HPD: variants seen among roughly 807,000 people sequenced by gnomAD.
The protein encoded by HPD is 4-hydroxyphenylpyruvate dioxygenase, also known as 4-hydroxyphenylpyruvic acid oxidase.
In HPD, 35 loss-of-function variants were observed where a neutral mutation model predicts 56.9. The ratio of observed to expected loss-of-function variants is 0.62; its 90% CI spans 0.47 to 0.82. The LOEUF is 0.82. Ranked by LOEUF, HPD falls within the 40% of genes least tolerant of loss-of-function variation. HPD has a pLI of 0.00. For missense variants in HPD, 442 were observed against 506.8 expected (o/e 0.87, Z 1.23); for synonymous variants, 186 against 200.2 (o/e 0.93, Z 0.60).
At chr12:121,855,972 C>CAAAAAA (rs57671436) in intron 6 of HPD, among the ~76,000 whole-genome samples, 6 of 65,110 alleles carry the variant, frequency 9.2e-5, no homozygotes, top group Admixed American at 2.0e-4. Context: ...CTCCGTCTCA[C>CAAAAAA]AAAAAAAAAA....
the HPD span, among the ~76,000 whole-genome samples, chr12:121,879,482 G>GTTCTGTTTCTTCTCTTCTCTTCTCTTCTC: frequency 6.8e-6 from 1 of 147,894 alleles, no homozygotes; most frequent in Non-Finnish European, 1.5e-5. Context: ...TTTCTCTTCT[G>GTTCTGTTTCTTCTCTTCTCTTCTCTTCTC]TTCTCTTCTC....
At chr12:121,855,925 G>A (rs1319566247) in intron 6 of HPD, among the ~76,000 whole-genome samples, 1 of 139,114 alleles carries the variant, frequency 7.2e-6, no homozygotes, top group African/African-American at 2.8e-5. Context: ...AGCCGAGATC[G>A]TGCCATTGCA....
At position 121,843,703 on chromosome 12, in the gene HPD, G is replaced by A. The variant is rs1178067047; in HGVS notation, c.954+7C>T. 3 of 1,613,960 alleles carry A rather than the reference G, an allele frequency of 1.9e-6. No individual in the cohort carries two copies. The highest frequency in any genetic ancestry group is 2.5e-6 in the Non-Finnish European group (3 of 1,179,954). On this transcript the variant is annotated splice_region_variant and intron_variant, in intron 12 of 13. Coordinates refer to ENST00000289004, the MANE Select transcript of HPD (RefSeq NM_002150.3). Reference sequence around the variant, plus strand: ...CCACAAGGCTGCGGATCCTGCCTGGGCCTCACCTCCAGGGCATCAATGTTC... The same window carrying A: ...CCACAAGGCTGCGGATCCTGCCTGGACCTCACCTCCAGGGCATCAATGTTC...
chr12:121,886,316 G>C, the HPD span, among the ~76,000 whole-genome samples: 12 of 150,980 alleles, frequency 7.9e-5, no homozygotes, highest in African/African-American at 2.9e-4. Flanking sequence ...CACCGTGTTA[G>C]CCAGGATGGT....
At chr12:121,875,473 C>T in the HPD span, among the ~76,000 whole-genome samples, 6 of 149,456 alleles carry the variant, frequency 4.0e-5, no homozygotes, top group African/African-American at 9.9e-5. Flanking sequence ...TCACCTAGAC[C>T]GAAGTGCAGT....
chr12:121,868,422 G>A (rs1878379858), upstream of HPD, among the ~76,000 whole-genome samples: 1 of 151,668 alleles, frequency 6.6e-6, no homozygotes, highest in African/African-American at 2.4e-5. Flanking sequence ...CGGCTCACTG[G>A]CCTCAAGTGA....
At chr12:121,853,621 CAA>C (rs35131803) in intron 7 of HPD, among the ~76,000 whole-genome samples, 9 of 53,386 alleles carry the variant, frequency 1.7e-4, no homozygotes, top group Non-Finnish European at 2.7e-4. Context: ...GACTCCATCT[CAA>C]AAAAAAAAAA....
chr12:121,853,467 C>CA (rs1456469189), intron 7 of HPD, among the ~76,000 whole-genome samples: 1 of 149,046 alleles, frequency 6.7e-6, no homozygotes, highest in Non-Finnish European at 1.5e-5. Context: ...ACTAAAAATA[C>CA]AAAATTTAGC....
rs375453752 is a variant in HPD, at chr12:121,847,001, C to T, written c.759+51G>A. The T allele has an allele frequency of 3.0e-4, 485 of 1,612,176 alleles. No homozygotes were observed. In the African/African-American group the frequency reaches 5.7e-3, roughly 19 times the overall value. On this transcript the variant is annotated intron_variant, in intron 10 of 13. Coordinates refer to ENST00000289004, the MANE Select transcript of HPD (RefSeq NM_002150.3). Reference sequence around the variant, plus strand: ...ACCCACATCCCTGACCCTACAAGAGCCCCCAGACCTCTTCCCTGCTCCCCT... The same window carrying T: ...ACCCACATCCCTGACCCTACAAGAGTCCCCAGACCTCTTCCCTGCTCCCCT...
chr12:121,846,777 T>A, intron 11 of HPD, 85 bp downstream of exon 11: 1 of 1,286,700 alleles, frequency 7.8e-7, no homozygotes. Context: ...GGCCCAGGAC[T>A]GCCGCCACCC....
At chr12:121,841,407 C>T (rs2137607898) in intron 12 of HPD, among the ~76,000 whole-genome samples, 1 of 152,212 alleles carries the variant, frequency 6.6e-6, no homozygotes, top group East Asian at 1.9e-4. Flanking sequence ...ACCATGTGAC[C>T]TAGCTACTCC....
chr12:121,852,296 A>G, intron 7 of HPD, among the ~76,000 whole-genome samples: 1 of 152,100 alleles, frequency 6.6e-6, no homozygotes, highest in South Asian at 2.1e-4. Context: ...CTGAGATTAC[A>G]GGTGTGAGCC....
chr12:121,856,310 A>G lies in HPD; in HGVS notation c.324+14T>C. 6.2e-7 allele frequency: 1 copy of G among 1,608,952 alleles called. No homozygotes were observed. Among genetic ancestry groups the G allele is most frequent in the Non-Finnish European group, 8.5e-7 (1 of 1,175,284 alleles). ...GAGGCCTTCCTCTCTCAGTCCACCC[A>G]GGTGCTTTCTTACCTGCACGATGTA... On this transcript the variant is annotated intron_variant, in intron 6 of 13. Transcript: ENST00000289004.
chr12:121,855,505 G>A (rs998128394), intron 6 of HPD, among the ~76,000 whole-genome samples: 20 of 152,094 alleles, frequency 1.3e-4, no homozygotes, highest in Admixed American at 5.2e-4. Flanking sequence ...ATCACTTGAG[G>A]TCAGGAGTTC....
chr12:121,842,741 C>CTTTTT (rs34879391), intron 12 of HPD, among the ~76,000 whole-genome samples: 3 of 76,244 alleles, frequency 3.9e-5, no homozygotes, highest in Non-Finnish European at 7.4e-5. Flanking sequence ...TAAAATGGAT[C>CTTTTT]TTTTTTTTTT....
chr12:121,858,154 C>T (rs574703195), intron 2 of HPD, among the ~76,000 whole-genome samples: 3 of 152,162 alleles, frequency 2.0e-5, no homozygotes, highest in Admixed American at 6.6e-5. Flanking sequence ...AGAAGGGGTA[C>T]AGGTTTTGTT....
In HPD at chr12:121,857,738, A is replaced by G. The variant is rs1311435786; in HGVS notation, c.93+19T>C. Reference sequence around the variant, plus strand: ...TGCCCTGCCGTCTGCTCACTCCAGCACCTTGCCCCGGCTTCTACCTGCTTG... The same window carrying G: ...TGCCCTGCCGTCTGCTCACTCCAGCGCCTTGCCCCGGCTTCTACCTGCTTG... On this transcript the variant is annotated intron_variant, in intron 3 of 13. Transcript: ENST00000289004. 3 of 1,610,346 alleles carry G rather than the reference A, an allele frequency of 1.9e-6. No homozygotes were observed. Among genetic ancestry groups the G allele is most frequent in the African/African-American group, 2.7e-5 (2 of 74,830 alleles).
At chr12:121,864,421 T>C (rs1023232007), upstream of HPD, among the ~76,000 whole-genome samples, 1 of 151,156 alleles carries the variant, frequency 6.6e-6, no homozygotes, top group Non-Finnish European at 1.5e-5. Flanking sequence ...GCTATAGTGG[T>C]GCATGCCCGT....
chr12:121,854,632 T>G, intron 7 of HPD, 71 bp downstream of exon 7: 1 of 1,045,536 alleles, frequency 9.6e-7, no homozygotes, highest in Admixed American at 1.7e-5. Context: ...TTTGATGGAG[T>G]CAGCTGCGGG....
Sources: allele counts gnomAD v4.1 joint callset (sites outside exome capture counted in the v4.1 genomes callset), GRCh38; gene constraint gnomAD v4.1.1; transcripts MANE v1.5; gene names NCBI Gene and HGNC (gene_info 2026-07-23, HGNC 2026-07-21).